CNBD1: variants seen among roughly 807,000 people sequenced by gnomAD.
CNBD1 encodes cyclic nucleotide-binding domain-containing protein 1.
CNBD1 carries 71 observed loss-of-function variants against 54.4 expected under a neutral mutation model. The ratio of observed to expected loss-of-function variants is 1.30; its 90% CI spans 1.08 to 1.59. The LOEUF (loss-of-function observed/expected upper bound fraction) is 1.59. Among genes scored for constraint, CNBD1 ranks in the 40% most tolerant of loss-of-function variants. CNBD1 has a pLI of 0.00. For missense variants in CNBD1, 659 were observed against 518.0 expected, an observed-to-expected ratio of 1.27 and a Z score of -2.64; for synonymous variants, 182 against 170.7, an observed-to-expected ratio of 1.07 and a Z score of -0.51.
At chr8:87,272,674 A>G (rs763894162) in intron 6 of CNBD1, among the ~76,000 whole-genome samples, 50 of 152,006 alleles carry the variant, frequency 3.3e-4, no homozygotes, top group Non-Finnish European at 6.0e-4. Flanking sequence ...TGGATAAAGC[A>G]TATAACAAAT....
intron 2 of CNBD1, among the ~76,000 whole-genome samples, chr8:87,391,165 A>C (rs1251383923): frequency 6.6e-6 from 1 of 152,170 alleles, no homozygotes; most frequent in Non-Finnish European, 1.5e-5. Context: ...TTGGTGCAGC[A>C]CAACAACATG....
intron 4 of CNBD1, among the ~76,000 whole-genome samples, chr8:87,202,647 G>T (rs1813887738): frequency 6.6e-6 from 1 of 152,154 alleles, no homozygotes; most frequent in African/African-American, 2.4e-5. Context: ...GGAGCTCTGA[G>T]GAAAGACTTT....
chr8:87,334,241 T>A (rs987421584), intron 8 of CNBD1, among the ~76,000 whole-genome samples: 3 of 152,138 alleles, frequency 2.0e-5, no homozygotes, highest in Non-Finnish European at 4.4e-5. Flanking sequence ...CTTTATCAAT[T>A]TTTATTGTGT....
chr8:86,872,090 A>G (rs912981087), intron 1 of CNBD1, among the ~76,000 whole-genome samples: 2 of 152,180 alleles, frequency 1.3e-5, no homozygotes, highest in African/African-American at 4.8e-5. Flanking sequence ...ATCATAAGCA[A>G]TGTTGCCTAG....
intron 10 of CNBD1, among the ~76,000 whole-genome samples, chr8:87,366,358 G>A (rs1280580127): frequency 6.6e-6 from 1 of 152,046 alleles, no homozygotes; most frequent in African/African-American, 2.4e-5. Context: ...GTTTTCTTGC[G>A]GTTTTTACCT....
intron 8 of CNBD1, among the ~76,000 whole-genome samples, chr8:87,349,810 G>T (rs2130926576): frequency 6.6e-6 from 1 of 152,326 alleles, no homozygotes; most frequent in East Asian, 1.9e-4. Context: ...CGAGTAGCCA[G>T]TTCCCCCTCT....
intron 6 of CNBD1, among the ~76,000 whole-genome samples, chr8:87,261,505 G>A (rs1808139178): frequency 6.8e-6 from 1 of 147,340 alleles, no homozygotes; most frequent in South Asian, 2.2e-4. Flanking sequence ...CCAGCCACAT[G>A]GTGGAAGAAG....
intron 3 of CNBD1, among the ~76,000 whole-genome samples, chr8:86,916,768 A>G (rs1393753585): frequency 6.6e-6 from 1 of 151,852 alleles, no homozygotes; most frequent in Non-Finnish European, 1.5e-5. Context: ...CAGTGGTGCA[A>G]ACTTGGCTCA....
intron 4 of CNBD1, among the ~76,000 whole-genome samples, chr8:87,050,107 T>C (rs940653400): frequency 6.6e-6 from 1 of 151,984 alleles, no homozygotes; most frequent in African/African-American, 2.4e-5. Flanking sequence ...GTTAAGAGAG[T>C]GAGTTTTAGC....
chr8:87,345,537 C>A (rs188620635), intron 8 of CNBD1, among the ~76,000 whole-genome samples: 7 of 152,116 alleles, frequency 4.6e-5, no homozygotes, highest in African/African-American at 1.7e-4. Context: ...TTAAAACCTT[C>A]CCTCTGACTA....
intron 8 of CNBD1, among the ~76,000 whole-genome samples, chr8:87,294,606 AG>A (rs1180185454): frequency 6.6e-6 from 1 of 152,216 alleles, no homozygotes; most frequent in Non-Finnish European, 1.5e-5. Context: ...CCAAGCATAA[AG>A]ATAGTTTCCA....
intron 6 of CNBD1, among the ~76,000 whole-genome samples, chr8:87,249,520 A>T (rs1807871934): frequency 6.6e-6 from 1 of 151,896 alleles, no homozygotes; most frequent in South Asian, 2.1e-4. Context: ...GAAGGCACAG[A>T]CTCCCATTTC....
intron 4 of CNBD1, among the ~76,000 whole-genome samples, chr8:87,000,169 T>A (rs6468614): frequency 1.3e-5 from 2 of 152,032 alleles, no homozygotes; most frequent in South Asian, 4.2e-4. Flanking sequence ...GGACCCAGGT[T>A]GGAGGTGATT....
intron 2 of CNBD1, among the ~76,000 whole-genome samples, chr8:86,888,886 A>G (rs913560879): frequency 6.6e-5 from 10 of 152,092 alleles, no homozygotes; most frequent in Non-Finnish European, 1.2e-4. Context: ...GGGGGTCATA[A>G]TAAGAGAGCT....
At chr8:87,405,513 T>C (rs1807637595) in intron 2 of CNBD1, among the ~76,000 whole-genome samples, 1 of 152,102 alleles carries the variant, frequency 6.6e-6, no homozygotes, top group African/African-American at 2.4e-5. Context: ...TTACAGCATA[T>C]ACTTAGCAAT....
At chr8:87,320,813 A>C (rs1042118099) in intron 8 of CNBD1, among the ~76,000 whole-genome samples, 1 of 152,104 alleles carries the variant, frequency 6.6e-6, no homozygotes. Flanking sequence ...TATCTCTCTA[A>C]TATTTTCACC....
intron 2 of CNBD1, among the ~76,000 whole-genome samples, chr8:87,425,903 C>G (rs10105008): frequency 7.3e-5 from 11 of 151,380 alleles, no homozygotes; most frequent in Non-Finnish European, 1.5e-4. Context: ...CAATGGCGGG[C>G]GCCCCTCCCC....
intron 8 of CNBD1, among the ~76,000 whole-genome samples, chr8:87,296,581 CTA>C (rs1461586053): frequency 1.3e-5 from 2 of 150,018 alleles, no homozygotes; most frequent in Admixed American, 1.3e-4. Context: ...TAATTAGTAT[CTA>C]TATATATGTC....
At chr8:87,384,895 C>A (rs1050481142), downstream of CNBD1, among the ~76,000 whole-genome samples, 1 of 151,868 alleles carries the variant, frequency 6.6e-6, no homozygotes, top group Non-Finnish European at 1.5e-5. Flanking sequence ...TGAAAGGGGA[C>A]ATTGTAAAAG....
Sources: allele counts gnomAD v4.1 joint callset (sites outside exome capture counted in the v4.1 genomes callset), GRCh38; gene constraint gnomAD v4.1.1; transcripts MANE v1.5; gene names NCBI Gene and HGNC (gene_info 2026-07-23, HGNC 2026-07-21).